The following ERI1 variants were observed in gnomAD, a reference collection of about 807,000 sequenced individuals.
The protein encoded by ERI1 is exoribonuclease 1.
ERI1 carries 39 observed loss-of-function variants against 39.7 expected under a neutral mutation model. The ratio of observed to expected loss-of-function variants is 0.98; its 90% CI spans 0.76 to 1.28. The LOEUF (loss-of-function observed/expected upper bound fraction) is 1.28, where lower values mean the gene tolerates loss of function less well. Among genes scored for constraint, ERI1 ranks in the 50% most tolerant of loss-of-function variants. The probability of loss-of-function intolerance (pLI) is 0.00; values close to 1 mark genes in which losing one functional copy is unlikely to be tolerated. For missense variants in ERI1, 581 were observed against 416.9 expected, an observed-to-expected ratio of 1.39 and a Z score of -3.43; for synonymous variants, 204 against 149.6, an observed-to-expected ratio of 1.36 and a Z score of -2.65.
At chr8:9,040,165 C>T (rs944578271) in intron 3 of ERI1, among the ~76,000 whole-genome samples, 1 of 152,148 alleles carries the variant, frequency 6.6e-6, no homozygotes. Flanking sequence ...GTTGGGGCCT[C>T]CACCAAGAGT....
chr8:9,017,287 C>G (rs972463632), intron 4 of ERI1, among the ~76,000 whole-genome samples: 37 of 152,044 alleles, frequency 2.4e-4, no homozygotes, highest in African/African-American at 8.5e-4. Flanking sequence ...TCAAGCCCTC[C>G]TCGGTCCCAA....
chr8:9,050,618 A>T (rs956874333), intron 3 of ERI1, among the ~76,000 whole-genome samples: 1 of 152,130 alleles, frequency 6.6e-6, no homozygotes, highest in Admixed American at 6.5e-5. Flanking sequence ...CTGCTGACTG[A>T]TAAGTCACCA....
rs1797968816 is a variant in ERI1 at position 9,040,117 on chromosome 8, C to T, written n.299+19653C>T. 2.0e-5 allele frequency among the ~76,000 whole-genome samples: 3 copies of T among 152,146 alleles called. No individual in the cohort carries two copies. The South Asian group carries it at 6.2e-4, about 32-fold the overall frequency. Reference sequence around the variant, plus strand: ...AACTTAGAAGAACAGCTGTTTGTAGCAGTCAGTATTTCTCACCGATGCTTG... The same window carrying T: ...AACTTAGAAGAACAGCTGTTTGTAGTAGTCAGTATTTCTCACCGATGCTTG... On this transcript the variant is annotated intron_variant and non_coding_transcript_variant, in intron 3 of 3. Coordinates refer to the ERI1 transcript ENST00000518663.
chr8:9,025,198 A>G (rs973562205), intron 6 of ERI1, among the ~76,000 whole-genome samples: 1 of 152,174 alleles, frequency 6.6e-6, no homozygotes, highest in Non-Finnish European at 1.5e-5. Context: ...AAAATATTTA[A>G]TTATCTCCTA....
chr8:9,090,874 G>C (rs1189753462), intron 3 of ERI1, among the ~76,000 whole-genome samples: 2 of 152,076 alleles, frequency 1.3e-5, no homozygotes, highest in African/African-American at 2.4e-5. Context: ...ATTCCAAGCT[G>C]TTTCTGAGTG....
intron 3 of ERI1, among the ~76,000 whole-genome samples, chr8:9,063,483 G>A (rs759689716): frequency 3.3e-5 from 5 of 152,128 alleles, no homozygotes; most frequent in Non-Finnish European, 5.9e-5. Flanking sequence ...GTGGAGGAGC[G>A]GAGGCTGAGG....
chr8:9,074,312 T>C (rs1799142057), intron 3 of ERI1, among the ~76,000 whole-genome samples: 1 of 151,574 alleles, frequency 6.6e-6, no homozygotes, highest in African/African-American at 2.4e-5. Context: ...AGTTTCACCA[T>C]GTTGGCCAGG....
At chr8:9,097,024 G>A (rs1028541863) in intron 3 of ERI1, among the ~76,000 whole-genome samples, 1 of 151,786 alleles carries the variant, frequency 6.6e-6, no homozygotes, top group Non-Finnish European at 1.5e-5. Context: ...TTCCTACCCA[G>A]GTCCCAAACG....
chr8:9,006,130 A>C (rs972168311), intron 1 of ERI1, among the ~76,000 whole-genome samples: 2 of 152,198 alleles, frequency 1.3e-5, no homozygotes, highest in Non-Finnish European at 2.9e-5. Context: ...TTAACAATAC[A>C]AGTAGGGTTT....
intron 3 of ERI1, among the ~76,000 whole-genome samples, chr8:9,039,453 A>T (rs989419175): frequency 1.2e-4 from 19 of 152,328 alleles, no homozygotes; most frequent in African/African-American, 4.6e-4. Context: ...AATTTTGAAC[A>T]TACAAAAATC....
rs1472509797 is a variant in ERI1 at position 9,017,162 on chromosome 8, C to G, written c.582+757C>G. 2.6e-5 allele frequency among the ~76,000 whole-genome samples: 4 copies of G among 152,272 alleles called. No individual in the cohort carries two copies. In the East Asian group the frequency reaches 7.7e-4, roughly 29 times the overall value. Reference sequence around the variant, plus strand: ...TCAAGCGATTCTCCTGCCTCAGCCTCCCAAGTAGCTGAGACTATAGGCACA... The same window carrying G: ...TCAAGCGATTCTCCTGCCTCAGCCTGCCAAGTAGCTGAGACTATAGGCACA... On this transcript the variant is annotated intron_variant, in intron 4 of 6. Coordinates refer to ENST00000250263, the MANE Select transcript of ERI1 (RefSeq NM_153332.4).
intron 3 of ERI1, among the ~76,000 whole-genome samples, chr8:9,094,060 G>GT (rs1220741817): frequency 6.6e-6 from 1 of 151,556 alleles, no homozygotes; most frequent in African/African-American, 2.4e-5. Flanking sequence ...ACTAATAATT[G>GT]TTATAAACTA....
downstream of ERI1, among the ~76,000 whole-genome samples, chr8:9,035,474 G>C (rs913510610): frequency 3.3e-5 from 5 of 152,104 alleles, no homozygotes; most frequent in Non-Finnish European, 7.4e-5. Context: ...TCTATAAAGG[G>C]AACGGCAAAG....
At chr8:9,047,665 C>A (rs1798217117) in intron 3 of ERI1, among the ~76,000 whole-genome samples, 1 of 151,870 alleles carries the variant, frequency 6.6e-6, no homozygotes, top group Non-Finnish European at 1.5e-5. Context: ...CACAATTGCA[C>A]TCCAGCCTGG....
chr8:9,087,242 A>G (rs1388416361), intron 3 of ERI1, among the ~76,000 whole-genome samples: 1 of 149,918 alleles, frequency 6.7e-6, no homozygotes, highest in Non-Finnish European at 1.5e-5. Flanking sequence ...TTTAAATTAT[A>G]TTTATTATTT....
intron 5 of ERI1, among the ~76,000 whole-genome samples, chr8:9,018,708 G>T (rs532845275): frequency 6.6e-6 from 1 of 152,234 alleles, no homozygotes; most frequent in Non-Finnish European, 1.5e-5. Context: ...CTTGAGCTTG[G>T]CCTTGAAGCC....
chr8:9,064,144 A>C (rs902272531), intron 3 of ERI1, among the ~76,000 whole-genome samples: 6 of 151,852 alleles, frequency 4.0e-5, no homozygotes, highest in Admixed American at 6.6e-5. Context: ...GGATTGGGGC[A>C]CAGAGATAAG....
chr8:9,076,694 T>C (rs531052986), intron 3 of ERI1, among the ~76,000 whole-genome samples: 1 of 152,234 alleles, frequency 6.6e-6, no homozygotes, highest in South Asian at 2.1e-4. Flanking sequence ...ACTAGAATGG[T>C]GGAAAAGCCA....
chr8:9,071,961 G>A (rs1223883590), intron 3 of ERI1, among the ~76,000 whole-genome samples: 1 of 152,182 alleles, frequency 6.6e-6, no homozygotes, highest in African/African-American at 2.4e-5. Context: ...GCCTATTTGG[G>A]AGGCTGAGGT....
Sources: gnomAD v4.1 joint callset for allele counts (sites outside exome capture counted in the v4.1 genomes callset) on GRCh38, gnomAD v4.1.1 for gene constraint, MANE v1.5 for transcripts, NCBI Gene and HGNC (gene_info 2026-07-23, HGNC 2026-07-21) for gene names.